Variants in LY75 observed in about 807,000 individuals in gnomAD.
The protein encoded by LY75 is lymphocyte antigen 75.
Under a neutral mutation model 231.7 loss-of-function variants are expected in LY75, and 185 were observed. The ratio of observed to expected loss-of-function variants is 0.80; its 90% CI spans 0.71 to 0.90. The LOEUF (loss-of-function observed/expected upper bound fraction) is 0.90. LY75 is among the 40% of genes least tolerant of loss of function. The pLI is 0.00. For missense variants in LY75, 1,947 were observed against 2,050.2 expected, an observed-to-expected ratio of 0.95 and a Z score of 0.97; for synonymous variants, 668 against 689.0, an observed-to-expected ratio of 0.97 and a Z score of 0.48.
intron 10 of LY75, 39 bp downstream of exon 10, chr2:159,878,594 G>A: frequency 6.2e-7 from 1 of 1,613,500 alleles, no homozygotes; most frequent in Admixed American, 1.7e-5. Context: ...AGAATTCAGA[G>A]TTGAAAGTTT....
At chr2:159,899,473 C>G (rs1480702941) in intron 1 of LY75, among the ~76,000 whole-genome samples, 1 of 152,144 alleles carries the variant, frequency 6.6e-6, no homozygotes, top group Non-Finnish European at 1.5e-5. Flanking sequence ...AAAAGAAGCT[C>G]TTTAGTTTTC....
intron 9 of LY75, 77 bp downstream of exon 9, chr2:159,879,182 A>G (rs988977844): frequency 6.7e-7 from 1 of 1,491,134 alleles, no homozygotes. Flanking sequence ...AGTCTGAGTT[A>G]TTTAAGTCTC....
rs539872091 is a variant in LY75 at position 159,886,182 on chromosome 2, A to G, written c.913+238T>C. Among the ~76,000 whole-genome samples, 12 of 152,260 alleles carry G rather than the reference A, an allele frequency of 7.9e-5. No individual in the cohort carries two copies. In the South Asian group the frequency reaches 2.3e-3, roughly 29 times the overall value. On this transcript the variant is annotated intron_variant, in intron 5 of 34. Transcript: ENST00000263636. ...TGGAGCTCATTTTGCTCTTACATAA[A>G]AATGTAGGGTTGTTCTAAAGGTCTA...
intron 6 of LY75, 86 bp downstream of exon 6, chr2:159,885,067 G>T: frequency 3.9e-6 from 6 of 1,531,902 alleles, no homozygotes; most frequent in South Asian, 2.6e-5. Context: ...AGGTGGAAAC[G>T]GATGTTGGAA....
intron 16 of LY75, 113 bp from the exon 17 acceptor site, chr2:159,855,052 C>T (rs1279641575): frequency 7.6e-7 from 1 of 1,320,690 alleles, no homozygotes; most frequent in Admixed American, 2.1e-5. Context: ...GAGTCTTGTC[C>T]ATTTCTGGCC....
Position 159,890,349 on chromosome 2 carries a change from C to T in LY75, c.666G>A (p.Lys222=). ...PENGCEDNWE[K]NEQFGSCYQF... ...GGTAGCAACTTCCAAACTGCTCGTT[C>T]TTTTCCCAATTATCTTCACAACCGT... Residue 222 remains lysine (K), a synonymous_variant, in exon 4 of 35, where the codon AAG becomes AAA. Coordinates refer to ENST00000263636, the MANE Select transcript of LY75 (RefSeq NM_002349.4). 2 of 1,613,298 alleles carry T rather than the reference C, an allele frequency of 1.2e-6. No individual in the cohort carries two copies. Among genetic ancestry groups the T allele is most frequent in the Non-Finnish European group, 1.7e-6 (2 of 1,179,600 alleles).
intron 4 of LY75, among the ~76,000 whole-genome samples, chr2:159,888,180 A>G (rs1398896724): frequency 6.6e-6 from 1 of 152,202 alleles, no homozygotes; most frequent in Non-Finnish European, 1.5e-5. Context: ...GTGGCCTTTT[A>G]ATGATAAAAA....
At chr2:159,850,521 A>G in intron 21 of LY75, 54 bp from the exon 22 acceptor site, 1 of 1,603,448 alleles carries the variant, frequency 6.2e-7, no homozygotes, top group African/African-American at 1.3e-5. Context: ...GAACGCTCAC[A>G]TAGGAAGTAA....
Position 159,860,887 on chromosome 2 carries a change from C to T in LY75, c.2202G>A (p.Val734=). ...ACTCATTTGGCATGATAATAGTAGA[C>T]ACCTGAAAAGACAAGAGAGGCTTGA... is the stretch of plus-strand genomic sequence containing the variant. ...GSWQWSDRTP[V]STIIMPNEFQ... Residue 734 remains valine (V), a splice_region_variant and synonymous_variant, in exon 15 of 35, where the codon GTG becomes GTA. Transcript: ENST00000263636. The T allele has an allele frequency of 6.2e-7, 1 of 1,613,882 alleles. No homozygotes were observed. The highest frequency in any genetic ancestry group is 2.2e-5 in the East Asian group (1 of 44,838).
chr2:159,890,863 G>T (rs1311354588), intron 3 of LY75, among the ~76,000 whole-genome samples: 1 of 152,030 alleles, frequency 6.6e-6, no homozygotes, highest in Non-Finnish European at 1.5e-5. Context: ...GGGAAACTAT[G>T]TCCAAATTTC....
intron 26 of LY75, 94 bp from the exon 27 acceptor site, chr2:159,834,305 G>A: frequency 6.6e-6 from 10 of 1,511,488 alleles, no homozygotes; most frequent in Non-Finnish European, 8.1e-6. Context: ...GAAATATTCA[G>A]GAAGCCGAGA....
At chr2:159,840,287 G>T (rs1683977509) in intron 25 of LY75, among the ~76,000 whole-genome samples, 1 of 152,092 alleles carries the variant, frequency 6.6e-6, no homozygotes, top group Admixed American at 6.6e-5. Context: ...ACCACATATT[G>T]CTGCTAGGTG....
intron 25 of LY75, among the ~76,000 whole-genome samples, chr2:159,839,821 C>A (rs1305637967): frequency 1.3e-5 from 2 of 151,894 alleles, no homozygotes; most frequent in Non-Finnish European, 2.9e-5. Context: ...GCCTTGCCAA[C>A]ATGGTGAAAC....
chr2:159,828,842 T>C (rs1413022228), intron 28 of LY75, among the ~76,000 whole-genome samples: 2 of 152,208 alleles, frequency 1.3e-5, no homozygotes, highest in Non-Finnish European at 2.9e-5. Context: ...TGATACATGC[T>C]ACAATGTGGA....
At chr2:159,823,237 T>A (rs1024089797) in intron 28 of LY75, among the ~76,000 whole-genome samples, 4 of 151,912 alleles carry the variant, frequency 2.6e-5, no homozygotes, top group African/African-American at 9.7e-5. Context: ...GAATACCCAG[T>A]GTAGAGAAGA....
At chr2:159,842,220 T>C (rs1007607853) in intron 24 of LY75, 25 bp downstream of exon 24, 1 of 1,598,876 alleles carries the variant, frequency 6.3e-7, no homozygotes, top group Non-Finnish European at 8.5e-7. Flanking sequence ...TAAAGTACCA[T>C]AGTTATCTAG....
At chr2:159,888,696 G>A (rs1480191047) in intron 4 of LY75, among the ~76,000 whole-genome samples, 1 of 152,112 alleles carries the variant, frequency 6.6e-6, no homozygotes, top group Admixed American at 6.6e-5. Context: ...GTGCAAAAGT[G>A]AAAAACAACC....
intron 22 of LY75, 104 bp from the exon 23 acceptor site, chr2:159,850,244 T>C: frequency 6.6e-7 from 1 of 1,506,060 alleles, no homozygotes; most frequent in Non-Finnish European, 8.9e-7. Context: ...TAGTCTTTTA[T>C]CTGTTCCATA....
At chr2:159,812,177 C>G (rs1549580) in intron 31 of LY75, 61,732 of 151,464 alleles carry the variant, frequency 0.41, 13,223 homozygotes, top group African/African-American at 0.53. Flanking sequence ...ACATAAGGAA[C>G]TGCCTTATCT....
Sources: allele counts gnomAD v4.1 joint callset (sites outside exome capture counted in the v4.1 genomes callset), GRCh38; gene constraint gnomAD v4.1.1; transcripts MANE v1.5; gene names NCBI Gene and HGNC (gene_info 2026-07-23, HGNC 2026-07-21).